ATP8B4: variants seen among roughly 807,000 people sequenced by gnomAD.
ATP8B4 encodes ATPase phospholipid transporting 8B4 (putative).
A neutral mutation model predicts 145.6 loss-of-function variants in ATP8B4; 133 were observed. That is an observed-to-expected ratio of 0.91 (90% CI 0.79 to 1.05). ATP8B4 has a LOEUF of 1.05. Ranked by LOEUF, ATP8B4 falls within the 50% of genes least tolerant of loss-of-function variation. The pLI is 0.00. For missense variants in ATP8B4, 1,458 were observed against 1,425.2 expected, an observed-to-expected ratio of 1.02 and a Z score of -0.37; for synonymous variants, 507 against 492.9, an observed-to-expected ratio of 1.03 and a Z score of -0.38.
At chr15:49,977,102 T>C (rs992446336) in intron 12 of ATP8B4, among the ~76,000 whole-genome samples, 1 of 152,186 alleles carries the variant, frequency 6.6e-6, no homozygotes, top group Non-Finnish European at 1.5e-5. Context: ...AAGTGTCCTT[T>C]GCTCACCTGG....
At chr15:50,052,934 G>T (rs999196889) in intron 3 of ATP8B4, among the ~76,000 whole-genome samples, 1 of 152,148 alleles carries the variant, frequency 6.6e-6, no homozygotes, top group Non-Finnish European at 1.5e-5. Flanking sequence ...AAGCAAAGAA[G>T]TAACTTGAGA....
At chr15:49,967,301 G>A (rs1257929283) in intron 13 of ATP8B4, among the ~76,000 whole-genome samples, 3 of 152,158 alleles carry the variant, frequency 2.0e-5, no homozygotes, top group African/African-American at 4.8e-5. Flanking sequence ...GGCTTCAGAA[G>A]GTGGGTAAAA....
intron 10 of ATP8B4, among the ~76,000 whole-genome samples, chr15:49,985,972 T>A (rs971028321): frequency 3.3e-5 from 5 of 152,100 alleles, no homozygotes; most frequent in African/African-American, 1.2e-4. Flanking sequence ...AAATAAAAAA[T>A]AATAATAAAT....
At position 50,179,924 on chromosome 15, in the gene ATP8B4, G is replaced by C. The variant is rs28648984; in HGVS notation, c.-43+2337C>G. Among the ~76,000 whole-genome samples the C allele has an allele frequency of 3.5e-3, 531 of 152,288 alleles. 5 individuals are homozygous for C. Among genetic ancestry groups the C allele is most frequent in the African/African-American group, 0.012 (504 of 41,558 alleles). ...CTATTAACCTCGTGATAAAGCAAGA[G>C]CTGGATCCCAGGCTCAAAGCTGGAA... On this transcript the variant is annotated intron_variant, in intron 1 of 3. Coordinates refer to the ATP8B4 transcript ENST00000558829.
At chr15:49,890,760 A>G (rs772081916) in intron 23 of ATP8B4, among the ~76,000 whole-genome samples, 1 of 152,232 alleles carries the variant, frequency 6.6e-6, no homozygotes, top group Non-Finnish European at 1.5e-5. Flanking sequence ...CTTCCAGTGA[A>G]AAACAGGGAA....
rs75507984 is a variant in ATP8B4, at chr15:50,025,530, C to A, written c.362+13238G>T. ...CCCATTGCTCCAACTCCTATTACCA[C>A]CTTTGCCTAGTTAACTCCTAGTCAT... On this transcript the variant is annotated intron_variant, in intron 6 of 27. Transcript: ENST00000284509. 2.2e-4 allele frequency among the ~76,000 whole-genome samples: 34 copies of A among 152,320 alleles called. No homozygotes were observed. In the East Asian group the frequency reaches 6.6e-3, roughly 29 times the overall value.
chr15:50,101,154 G>A (rs972177606), intron 2 of ATP8B4, among the ~76,000 whole-genome samples: 3 of 152,096 alleles, frequency 2.0e-5, no homozygotes, highest in Admixed American at 6.6e-5. Context: ...CCAATTCCAA[G>A]AGATGAGATG....
intron 23 of ATP8B4, among the ~76,000 whole-genome samples, chr15:49,890,850 A>G (rs1469539924): frequency 1.3e-5 from 2 of 152,186 alleles, no homozygotes; most frequent in African/African-American, 4.8e-5. Flanking sequence ...TACCGCGAAC[A>G]TGCCAGGCCA....
At chr15:50,049,511 T>C (rs1037139991) in intron 3 of ATP8B4, among the ~76,000 whole-genome samples, 2 of 152,252 alleles carry the variant, frequency 1.3e-5, no homozygotes, top group African/African-American at 4.8e-5. Flanking sequence ...TGGTATTCCA[T>C]GGTGTATATG....
At chr15:49,930,433 G>A (rs2041145104) in intron 16 of ATP8B4, among the ~76,000 whole-genome samples, 1 of 152,092 alleles carries the variant, frequency 6.6e-6, no homozygotes, top group African/African-American at 2.4e-5. Flanking sequence ...ATATGAATGA[G>A]AGTGACATTG....
intron 3 of ATP8B4, among the ~76,000 whole-genome samples, chr15:50,063,353 AG>A (rs1233339264): frequency 6.6e-6 from 1 of 151,926 alleles, no homozygotes; most frequent in Non-Finnish European, 1.5e-5. Flanking sequence ...TAGAATCACT[AG>A]GGGAGCTTTA....
At chr15:49,991,319 C>T (rs2047029098) in intron 9 of ATP8B4, among the ~76,000 whole-genome samples, 1 of 152,174 alleles carries the variant, frequency 6.6e-6, no homozygotes, top group Admixed American at 6.5e-5. Context: ...CAGAATTCAG[C>T]ATTAACAGTC....
chr15:50,003,552 A>T (rs2413999), intron 7 of ATP8B4, among the ~76,000 whole-genome samples: 4,220 of 151,918 alleles, frequency 0.028, 127 homozygotes, highest in Non-Finnish European at 0.033. Flanking sequence ...GGAAAAAAAA[A>T]TTTTTTTTGA....
In ATP8B4 at chr15:50,052,645, C is replaced by T. The variant is rs557442141; in HGVS notation, c.88-5181G>A. Among the ~76,000 whole-genome samples, 6 of 152,270 alleles carry T rather than the reference C, an allele frequency of 3.9e-5. No individual in the cohort carries two copies. In the East Asian group the frequency reaches 1.2e-3, roughly 29 times the overall value. ...GTAATGGAGTTGGGAGAGAGTGTCA[C>T]ACCAGTAGAGAACCCTCCACCTGGA... On this transcript the variant is annotated intron_variant, in intron 3 of 27. Transcript: ENST00000284509.
intron 1 of ATP8B4, among the ~76,000 whole-genome samples, chr15:50,137,173 C>T (rs2044134139): frequency 6.6e-6 from 1 of 152,196 alleles, no homozygotes; most frequent in Admixed American, 6.5e-5. Context: ...CCCAAAAATA[C>T]TATCTCATTC....
intron 1 of ATP8B4, among the ~76,000 whole-genome samples, chr15:50,175,829 C>A (rs138654816): frequency 1.6e-4 from 24 of 152,224 alleles, no homozygotes; most frequent in African/African-American, 5.3e-4. Flanking sequence ...ACGATTTGAT[C>A]CAGCAATCCC....
At chr15:50,095,156 A>G (rs1021904003) in intron 2 of ATP8B4, among the ~76,000 whole-genome samples, 1 of 152,160 alleles carries the variant, frequency 6.6e-6, no homozygotes, top group Non-Finnish European at 1.5e-5. Context: ...AAAATGAGAA[A>G]GATAGCAGCC....
chr15:49,929,030 A>C (rs1262610769), intron 16 of ATP8B4, among the ~76,000 whole-genome samples: 1 of 152,116 alleles, frequency 6.6e-6, no homozygotes, highest in African/African-American at 2.4e-5. Flanking sequence ...AGACCAGCTA[A>C]ATAAGACTAG....
intron 1 of ATP8B4, among the ~76,000 whole-genome samples, chr15:50,165,873 G>A (rs1490663627): frequency 6.6e-6 from 1 of 151,354 alleles, no homozygotes; most frequent in East Asian, 1.9e-4. Flanking sequence ...AGAGATAACA[G>A]AACAGATAAA....
Sources: gnomAD v4.1 joint callset for allele counts (sites outside exome capture counted in the v4.1 genomes callset) on GRCh38, gnomAD v4.1.1 for gene constraint, MANE v1.5 for transcripts, NCBI Gene and HGNC (gene_info 2026-07-23, HGNC 2026-07-21) for gene names.